VDR: variants seen among roughly 807,000 people sequenced by gnomAD.
The protein encoded by VDR is vitamin D3 receptor.
In VDR, 19 loss-of-function variants were observed where a neutral mutation model predicts 39.7. That is an observed-to-expected ratio of 0.48 (90% confidence interval 0.33 to 0.70). VDR has a LOEUF of 0.70. VDR is among the 30% of genes least tolerant of loss of function. The pLI, the probability that VDR is intolerant of heterozygous loss-of-function variation, is 0.02. For synonymous variants in VDR, 242 were observed against 215.8 expected, an observed-to-expected ratio of 1.12 and a Z score of -1.07; for missense variants, 442 against 570.5, an observed-to-expected ratio of 0.77 and a Z score of 2.29.
chr12:47,898,010 T>C (rs1248957842), intron 1 of VDR, among the ~76,000 whole-genome samples: 1 of 152,234 alleles, frequency 6.6e-6, no homozygotes, highest in Non-Finnish European at 1.5e-5. Context: ...CAGGTATTAA[T>C]TGAGCACATA....
intron 2 of VDR, among the ~76,000 whole-genome samples, chr12:47,881,108 A>G (rs915092108): frequency 2.7e-4 from 30 of 112,652 alleles, no homozygotes; most frequent in African/African-American, 7.6e-4. Flanking sequence ...GTGTGTGTAT[A>G]TATATATATA....
chr12:47,869,074 C>A lies in VDR; in HGVS notation c.147-3897G>T, dbSNP rs181732526. On this transcript the variant is annotated intron_variant, in intron 3 of 9. Coordinates refer to ENST00000549336, the MANE Select transcript of VDR (RefSeq NM_000376.3). ...CCTTTGACCCTCACTTGGGGGCAGC[C>A]CCCCCAGCTGCAGGGTTGCCTGAAA... Among the ~76,000 whole-genome samples the A allele has an allele frequency of 4.6e-5, 7 of 152,328 alleles. No individual in the cohort carries two copies. The South Asian group carries it at 6.2e-4, about 14-fold the overall frequency.
At chr12:47,867,094 G>A (rs948411603) in intron 3 of VDR, among the ~76,000 whole-genome samples, 8 of 152,030 alleles carry the variant, frequency 5.3e-5, no homozygotes, top group Non-Finnish European at 2.9e-5. Flanking sequence ...GGTGGCTCAG[G>A]CCTGTAATCC....
intron 7 of VDR, among the ~76,000 whole-genome samples, chr12:47,850,702 C>T (rs1043186766): frequency 1.3e-5 from 2 of 152,172 alleles, no homozygotes; most frequent in East Asian, 1.9e-4. Context: ...GCTTGTTCCA[C>T]GATGATAGGC....
chr12:47,846,426 C>T lies in VDR; in HGVS notation c.933G>A (p.Glu311=), dbSNP rs150775215. 4,687 of 1,569,316 alleles carry T rather than the reference C, an allele frequency of 3.0e-3. 13 individuals are homozygous for T. The highest frequency in any genetic ancestry group is 3.1e-3 in the Non-Finnish European group (3,633 of 1,156,968). Residue 311 remains glutamate, a synonymous_variant, in exon 9 of 10, where the codon GAG becomes GAA. Transcript: ENST00000549336. The stretch of plus-strand genomic sequence containing the variant: ...GTCCCACCTGGAACTTGATGAGGGG[C>T]TCAATCAGCTCCAGGCTGTGTCCGG... ...TKAGHSLELI[E]PLIKFQVGLK...
At chr12:47,885,519 C>T (rs1946236181) in intron 1 of VDR, among the ~76,000 whole-genome samples, 1 of 152,202 alleles carries the variant, frequency 6.6e-6, no homozygotes, top group Non-Finnish European at 1.5e-5. Flanking sequence ...CCTGGGAGGA[C>T]AAAAATCAAA....
In VDR at chr12:47,851,736, C is replaced by T. The variant is rs55677209; in HGVS notation, c.755+3894G>A. Among the ~76,000 whole-genome samples the T allele has an allele frequency of 4.0e-3, 606 of 152,322 alleles. 8 individuals are homozygous for T. The highest frequency in any genetic ancestry group is 0.014 in the African/African-American group (583 of 41,580). Reference sequence around the variant, plus strand: ...CACAGAGAGCGTCCATACCAGTGTCCCTGCAAGCTCTCTTAGCAAGGCCTG... The same window carrying T: ...CACAGAGAGCGTCCATACCAGTGTCTCTGCAAGCTCTCTTAGCAAGGCCTG... On this transcript the variant is annotated intron_variant, in intron 7 of 9. Transcript: ENST00000549336.
intron 1 of VDR, among the ~76,000 whole-genome samples, chr12:47,902,395 G>A (rs925571466): frequency 1.3e-5 from 2 of 152,206 alleles, no homozygotes; most frequent in Non-Finnish European, 2.9e-5. Context: ...GACAATAGTG[G>A]AGGGAGAGCC....
At chr12:47,882,660 C>T in intron 2 of VDR, 34 bp downstream of exon 2, 1 of 402,926 alleles carries the variant, frequency 2.5e-6, no homozygotes, top group Non-Finnish European at 4.2e-6. Flanking sequence ...AAACAGAAAG[C>T]CAGGGAAGTT....
intron 4 of VDR, among the ~76,000 whole-genome samples, chr12:47,860,261 C>T (rs754902283): frequency 2.6e-5 from 4 of 152,138 alleles, no homozygotes; most frequent in East Asian, 1.9e-4. Flanking sequence ...CTACCATGCC[C>T]GGCCTTTGTC....
chr12:47,900,265 T>C (rs537689578), intron 1 of VDR, among the ~76,000 whole-genome samples: 7 of 152,252 alleles, frequency 4.6e-5, no homozygotes, highest in African/African-American at 1.4e-4. Context: ...AGAGTAACCT[T>C]TGGGCAGTCC....
At position 47,866,224 on chromosome 12, in the gene VDR, C is replaced by T. The variant is rs1592119121; in HGVS notation, c.147-1047G>A. Among the ~76,000 whole-genome samples, 3 of 152,102 alleles carry T rather than the reference C, an allele frequency of 2.0e-5. No homozygotes were observed. The East Asian group carries it at 5.8e-4, about 30-fold the overall frequency. ...CTGGGTTCATGCCGTTCTCCTGCCT[C>T]AGCCTCCCGAGTAGCTGGGACTACA... On this transcript the variant is annotated intron_variant, in intron 3 of 9. Coordinates refer to ENST00000549336, the MANE Select transcript of VDR (RefSeq NM_000376.3).
At chr12:47,879,426 G>A (rs147241069) in intron 2 of VDR, among the ~76,000 whole-genome samples, 10 of 152,222 alleles carry the variant, frequency 6.6e-5, no homozygotes, top group Non-Finnish European at 5.9e-5. Flanking sequence ...TGTCTGCATT[G>A]GAAGAGGTGT....
At chr12:47,877,729 G>A (rs1946037319) in intron 3 of VDR, among the ~76,000 whole-genome samples, 1 of 152,184 alleles carries the variant, frequency 6.6e-6, no homozygotes, top group Admixed American at 6.5e-5. Context: ...CACCCTGCAG[G>A]ATGTGTGGAC....
At chr12:47,861,613 G>C (rs1178484266) in intron 4 of VDR, among the ~76,000 whole-genome samples, 1 of 152,230 alleles carries the variant, frequency 6.6e-6, no homozygotes, top group Non-Finnish European at 1.5e-5. Context: ...GATATATGAA[G>C]CCATTGACCT....
intron 1 of VDR, among the ~76,000 whole-genome samples, chr12:47,902,454 C>T (rs912999147): frequency 6.6e-6 from 1 of 152,188 alleles, no homozygotes; most frequent in Non-Finnish European, 1.5e-5. Flanking sequence ...GAGTCAGGGG[C>T]CTGGTCTGGT....
chr12:47,882,623 G>GGCCCCGGGGGGCCCCCCCC, intron 2 of VDR, 71 bp downstream of exon 2: 1 of 543,280 alleles, frequency 1.8e-6, no homozygotes, highest in Non-Finnish European at 3.2e-6. Flanking sequence ...ACCTTCTTAT[G>GGCCCCGGGGGGCCCCCCCC]CCCCTCCCCC....
intron 3 of VDR, among the ~76,000 whole-genome samples, chr12:47,873,038 G>T (rs1488078492): frequency 6.6e-6 from 1 of 152,210 alleles, no homozygotes; most frequent in Non-Finnish European, 1.5e-5. Context: ...CAAGGAATCT[G>T]ACTGATATGG....
Position 47,855,621 on chromosome 12 carries a change from G to A in VDR, c.755+9C>T, listed in dbSNP as rs1347717354. The A allele has an allele frequency of 6.2e-7, 1 of 1,614,130 alleles. No individual in the cohort carries two copies. The highest frequency in any genetic ancestry group is 8.5e-7 in the Non-Finnish European group (1 of 1,180,020). ...ACTCTGTTCCCCAGAGATTGCAGAA[G>A]TTTCTTACCTGAATCCTGGTATCAT... On this transcript the variant is annotated intron_variant, in intron 7 of 9. Transcript: ENST00000549336.
Sources: allele counts gnomAD v4.1 joint callset (sites outside exome capture counted in the v4.1 genomes callset), GRCh38; gene constraint gnomAD v4.1.1; transcripts MANE v1.5; gene names NCBI Gene and HGNC (gene_info 2026-07-23, HGNC 2026-07-21).